PZP: variants seen among roughly 807,000 people sequenced by gnomAD.
The protein encoded by PZP is pregnancy zone protein.
A neutral mutation model predicts 179.8 loss-of-function variants in PZP; 150 were observed. The ratio of observed to expected loss-of-function variants is 0.83; its 90% CI spans 0.73 to 0.96. The LOEUF (loss-of-function observed/expected upper bound fraction) is 0.96, where lower values mean the gene tolerates loss of function less well. Ranked by LOEUF, PZP falls within the 40% of genes least tolerant of loss-of-function variation. The pLI, the probability that PZP is intolerant of heterozygous loss-of-function variation, is 0.00. For synonymous variants in PZP, 624 were observed against 652.3 expected (o/e 0.96, Z 0.66); for missense variants, 1,689 against 1,764.0 (o/e 0.96, Z 0.76).
intron 28 of PZP, 79 bp downstream of exon 28, chr12:9,157,096 A>G: frequency 7.2e-7 from 1 of 1,391,316 alleles, no homozygotes. Context: ...CACCTCCCAG[A>G]CAGGCCCCAA....
intron 20 of PZP, 66 bp downstream of exon 20, chr12:9,164,067 G>GA: frequency 6.6e-7 from 1 of 1,508,920 alleles, no homozygotes; most frequent in Non-Finnish European, 9.0e-7. Flanking sequence ...AGAATATGAT[G>GA]AAAAAAGTAC....
Position 9,194,227 on chromosome 12 carries a change from C to A in PZP, c.1104G>T (p.Val368=), listed in dbSNP as rs201765896. 25 of 1,613,710 alleles carry A rather than the reference C, an allele frequency of 1.5e-5. No homozygotes were observed. The East Asian group carries it at 5.1e-4, about 33-fold the overall frequency. Reference sequence around the variant, plus strand: ...TGGGGATGGGCACACCTTTTCCATCCACCAGAAGCACCTAAAGAAGAAAAG... The same window carrying A: ...TGGGGATGGGCACACCTTTTCCATCAACCAGAAGCACCTAAAGAAGAAAAG... ...GIPFFAQVLL[V]DGKGVPIPNK... Residue 368 remains valine, a synonymous_variant, in exon 11 of 36, where the codon GTG becomes GTT. Transcript: ENST00000261336.
chr12:9,196,978 G>A (rs200980115), intron 8 of PZP, 34 bp downstream of exon 8: 7 of 1,438,998 alleles, frequency 4.9e-6, no homozygotes. Context: ...GTTGTAAACA[G>A]TGATAGCACT....
Position 9,192,446 on chromosome 12 carries a change from C to T in PZP, c.1482+66G>A, listed in dbSNP as rs866756747. ...GTGCAAGTAGTTTATTTTGACATTC[C>T]TGAGCCTATTGACCACTTTTGTCCT... On this transcript the variant is annotated intron_variant, in intron 12 of 35. Transcript: ENST00000261336. 4 of 1,456,328 alleles carry T rather than the reference C, an allele frequency of 2.7e-6. No homozygotes were observed. The Middle Eastern group carries it at 7.0e-4, about 255-fold the overall frequency. The allele number at this position is 1,456,328 out of a possible 1,614,324, so 90.2% of individuals were successfully genotyped here. A position where few individuals can be genotyped will look rare whatever the true frequency, so the allele number is the denominator to read the frequency against.
Position 9,202,699 on chromosome 12 carries a change from A to G in PZP, c.268-15T>C. The G allele has an allele frequency of 6.2e-7, 1 of 1,610,890 alleles. No individual in the cohort carries two copies. Among genetic ancestry groups the G allele is most frequent in the South Asian group, 1.1e-5 (1 of 90,706 alleles). On this transcript the variant is annotated splice_polypyrimidine_tract_variant and intron_variant, in intron 2 of 35. Coordinates refer to ENST00000261336, the MANE Select transcript of PZP (RefSeq NM_002864.3). ...ATCCTTGGGAGCTAAAAAGCAAAGGATTTTTTACTACTGAGGAACTGTGCA... is the reference window on the plus strand; with the variant it reads ...ATCCTTGGGAGCTAAAAAGCAAAGGGTTTTTTACTACTGAGGAACTGTGCA...
chr12:9,162,550 C>T, intron 22 of PZP, 47 bp downstream of exon 22: 1 of 1,334,492 alleles, frequency 7.5e-7, no homozygotes, highest in Non-Finnish European at 1.1e-6. Flanking sequence ...AGGTTTATAC[C>T]CCTTTGTGGT....
At chr12:9,204,089 G>A (rs1471659321) in intron 1 of PZP, 138 bp from the exon 2 acceptor site, 2 of 897,006 alleles carry the variant, frequency 2.2e-6, no homozygotes, top group Non-Finnish European at 3.3e-6. Context: ...AGTCAATGGA[G>A]GTTCTGTCAC....
At position 9,160,364 on chromosome 12, in the gene PZP, T is replaced by G; in HGVS notation, c.2999A>C (p.Gln1000Pro). Residue 1000 changes from glutamine to proline, a missense_variant, in exon 24 of 36, where the codon CAG becomes CCG. Physicochemically the swap from Gln to Pro is moderately conservative, Grantham distance 76. Around this residue, in one of 3 missense-constraint regions of PZP, gnomAD observed 746 missense variants for 749.2 expected, o/e 1.00. Coordinates refer to ENST00000261336, the MANE Select transcript of PZP (RefSeq NM_002864.3). ...IYVLNYLNET[Q>P]QLTQEIKAKA... is the part of the protein sequence containing the mutation. ...GGCCTTGATCTCCTGCGTCAGCTGCTGGGTTTCATTCAGATAGTTCAAGAC... is the reference window on the plus strand; with the variant it reads ...GGCCTTGATCTCCTGCGTCAGCTGCGGGGTTTCATTCAGATAGTTCAAGAC... The G allele has an allele frequency of 1.2e-6, 2 of 1,614,206 alleles. No homozygotes were observed. The highest frequency in any genetic ancestry group is 2.2e-5 in the South Asian group (2 of 91,078).
chr12:9,199,952 T>C (rs187390935), intron 7 of PZP, among the ~76,000 whole-genome samples: 1 of 152,300 alleles, frequency 6.6e-6, no homozygotes, highest in Admixed American at 6.5e-5. Flanking sequence ...AGACCATTTT[T>C]AGGACAATTG....
At chr12:9,198,561 A>G (rs1943971698) in intron 7 of PZP, among the ~76,000 whole-genome samples, 1 of 152,176 alleles carries the variant, frequency 6.6e-6, no homozygotes, top group African/African-American at 2.4e-5. Flanking sequence ...GAGAAGGGAG[A>G]GAGAGGGAGA....
At chr12:9,160,241 A>G in intron 24 of PZP, 73 bp downstream of exon 24, 7 of 1,360,040 alleles carry the variant, frequency 5.1e-6, no homozygotes, top group Non-Finnish European at 6.1e-6. Flanking sequence ...TTAATATTTG[A>G]TGATATAACT....
intron 23 of PZP, 113 bp downstream of exon 23, chr12:9,160,920 A>G (rs1565629493): frequency 4.9e-6 from 4 of 811,982 alleles, no homozygotes. Context: ...ATCTCAAAAA[A>G]ATAAAAAAGA....
At chr12:9,164,325 TG>T in intron 19 of PZP, 66 bp from the exon 20 acceptor site, 1 of 1,510,978 alleles carries the variant, frequency 6.6e-7, no homozygotes, top group South Asian at 1.2e-5. Flanking sequence ...CACATAGAAT[TG>T]GGGCCAAGTG....
the PZP span, among the ~76,000 whole-genome samples, chr12:9,137,802 T>A: frequency 1.3e-5 from 2 of 152,126 alleles, no homozygotes; most frequent in Admixed American, 1.3e-4. Context: ...ATTGTTGTCT[T>A]AATTTCCTTT....
intron 2 of PZP, 88 bp downstream of exon 2, chr12:9,203,680 A>G: frequency 6.8e-7 from 1 of 1,464,612 alleles, no homozygotes; most frequent in Admixed American, 1.8e-5. Context: ...ATACCTTGGG[A>G]TCGCACACCA....
rs773000598 is a variant in PZP, at chr12:9,160,460, A to G, written c.2903T>C (p.Ile968Thr). The G allele has an allele frequency of 1.2e-6, 2 of 1,613,860 alleles. No individual in the cohort carries two copies. Among genetic ancestry groups the G allele is most frequent in the Non-Finnish European group, 1.7e-6 (2 of 1,179,830 alleles). ...GDILGSAMQN[I>T]QNLLQMPYGC... is the part of the protein sequence containing the mutation. ...ATATGGCATCTGGAGGAGATTTTGT[A>G]TATTTTGCATAGCAGAACCTAATAT... The change falls in exon 24 of 36, where the codon ATA becomes ACA. Residue 968 changes from isoleucine to threonine, a missense_variant. Ile to Thr is a moderately conservative substitution (Grantham distance 89). Coordinates refer to ENST00000261336, the MANE Select transcript of PZP (RefSeq NM_002864.3).
At chr12:9,161,232 G>T in intron 22 of PZP, 116 bp from the exon 23 acceptor site, 1 of 815,550 alleles carries the variant, frequency 1.2e-6, no homozygotes, top group Non-Finnish European at 1.9e-6. Flanking sequence ...TACTGGCCCT[G>T]CTTTGTGACC....
intron 15 of PZP, among the ~76,000 whole-genome samples, chr12:9,174,114 A>G (rs1269817193): frequency 6.6e-6 from 1 of 152,248 alleles, no homozygotes; most frequent in Non-Finnish European, 1.5e-5. Context: ...CAGCACGTCA[A>G]AAAGCTTATC....
In PZP at chr12:9,150,699, G is replaced by T. The variant is rs780124756; in HGVS notation, c.4329C>A (p.Ile1443=). The change falls in exon 34 of 36, where the codon ATC becomes ATA. Residue 1443 remains isoleucine, a synonymous_variant. Transcript: ENST00000261336. ...TTGCTGGCTTCAAGTCTCCTACTGG[G>T]ATGTCTTGCAGAACCATGAAGGAAA... ...LSFSFMVLQD[I]PVGDLKPAIV... The T allele has an allele frequency of 5.5e-5, 89 of 1,613,086 alleles. No homozygotes were observed. Among genetic ancestry groups the T allele is most frequent in the Non-Finnish European group, 6.6e-5 (78 of 1,179,480 alleles).
Sources: gnomAD v4.1 joint callset for allele counts (sites outside exome capture counted in the v4.1 genomes callset) on GRCh38, gnomAD v4.1.1 for gene constraint, gnomAD v4.1.1 regional missense constraint, MANE v1.5 for transcripts, NCBI Gene and HGNC (gene_info 2026-07-23, HGNC 2026-07-21) for gene names.